Variants in DRC9 observed in about 807,000 individuals in gnomAD.
DRC9 encodes dynein regulatory complex subunit 9, also known as dynein regulatory complex protein 9.
the DRC9 span, among the ~76,000 whole-genome samples, chr3:197,922,025 C>G: frequency 6.6e-6 from 1 of 151,642 alleles, no homozygotes; most frequent in Admixed American, 6.6e-5. Context: ...GACCCGACTA[C>G]TGGTTTTCAG....
the DRC9 span, among the ~76,000 whole-genome samples, chr3:197,897,279 A>G: frequency 6.6e-6 from 1 of 152,190 alleles, no homozygotes; most frequent in African/African-American, 2.4e-5. Flanking sequence ...AAAGGAAAGC[A>G]GGTTTGACAA....
the DRC9 span, among the ~76,000 whole-genome samples, chr3:197,941,337 TCC>T: frequency 3.6e-5 from 3 of 82,314 alleles, no homozygotes; most frequent in African/African-American, 3.0e-4. Context: ...CCTCTCTCTC[TCC>T]CCTCTGTCTC....
chr3:197,954,525 T>A, the DRC9 span: 1 of 333,674 alleles, frequency 3.0e-6, no homozygotes, highest in Non-Finnish European at 5.8e-6. Context: ...GTTGTGTTTT[T>A]TTGAGACAAG....
chr3:197,944,525 T>G, the DRC9 span, among the ~76,000 whole-genome samples: 1 of 152,004 alleles, frequency 6.6e-6, no homozygotes, highest in African/African-American at 2.4e-5. Flanking sequence ...CTTGGCTCAC[T>G]GCAAGCTCTG....
chr3:197,938,637 C>T, the DRC9 span: 1 of 1,614,190 alleles, frequency 6.2e-7, no homozygotes, highest in Non-Finnish European at 8.5e-7. Flanking sequence ...TTTTGTTAAA[C>T]TCCACAGCGA....
At chr3:197,889,830 A>G in the DRC9 span, 1 of 1,203,862 alleles carries the variant, frequency 8.3e-7, no homozygotes, top group East Asian at 2.3e-5. Context: ...GTCTCTCTCC[A>G]GGACATGGAA....
chr3:197,893,187 G>A, the DRC9 span, among the ~76,000 whole-genome samples: 7 of 151,734 alleles, frequency 4.6e-5, no homozygotes, highest in African/African-American at 7.3e-5. Flanking sequence ...GAGAAGCCCC[G>A]TCTCTACTAA....
At chr3:197,926,904 A>G in the DRC9 span, among the ~76,000 whole-genome samples, 1 of 152,212 alleles carries the variant, frequency 6.6e-6, no homozygotes, top group Non-Finnish European at 1.5e-5. Context: ...CTTTGCATGA[A>G]TAATTCCATC....
the DRC9 span, among the ~76,000 whole-genome samples, chr3:197,919,085 G>T: frequency 6.6e-6 from 1 of 152,170 alleles, no homozygotes; most frequent in African/African-American, 2.4e-5. Context: ...TGGGATTATA[G>T]ACATGAGCCA....
the DRC9 span, chr3:197,957,085 G>C: frequency 2.8e-4 from 43 of 152,208 alleles, no homozygotes; most frequent in African/African-American, 1.0e-3. Flanking sequence ...GTGAAAGAAA[G>C]GATTGGGTAG....
chr3:197,900,852 C>T, the DRC9 span, among the ~76,000 whole-genome samples: 1 of 152,212 alleles, frequency 6.6e-6, no homozygotes, highest in African/African-American at 2.4e-5. This position sits in a 1 kb window ranked among gnomAD's most constrained non-coding sequence, Gnocchi z 4.7. Context: ...AGAAGGGAAC[C>T]CACTGCCTTG....
At chr3:197,942,552 C>G in the DRC9 span, among the ~76,000 whole-genome samples, 1 of 151,102 alleles carries the variant, frequency 6.6e-6, no homozygotes, top group African/African-American at 2.4e-5. Context: ...ACAAAACAAA[C>G]AAAATGAAAA....
the DRC9 span, among the ~76,000 whole-genome samples, chr3:197,919,257 C>T: frequency 6.6e-6 from 1 of 152,110 alleles, no homozygotes; most frequent in Non-Finnish European, 1.5e-5. Flanking sequence ...CCACGGTGAC[C>T]GTGTGGAAAC....
chr3:197,890,414 A>G, the DRC9 span, among the ~76,000 whole-genome samples: 1 of 152,198 alleles, frequency 6.6e-6, no homozygotes, highest in East Asian at 1.9e-4. Flanking sequence ...CAAAAAAAAA[A>G]AAAAGAAAAG....
the DRC9 span, among the ~76,000 whole-genome samples, chr3:197,903,531 G>A: frequency 1.3e-5 from 2 of 152,196 alleles, no homozygotes; most frequent in Admixed American, 1.3e-4. Flanking sequence ...AGCTACTTGG[G>A]AGGCTGAGGC....
At chr3:197,952,367 A>C in the DRC9 span, among the ~76,000 whole-genome samples, 1 of 151,364 alleles carries the variant, frequency 6.6e-6, no homozygotes, top group South Asian at 2.1e-4. Flanking sequence ...ATGGGGTTTC[A>C]CCATTTTGGC....
At chr3:197,949,066 A>C in the DRC9 span, among the ~76,000 whole-genome samples, 1 of 152,208 alleles carries the variant, frequency 6.6e-6, no homozygotes, top group Non-Finnish European at 1.5e-5. Context: ...AAGTGGGGAA[A>C]GCCTCTTTTA....
chr3:197,943,934 G>A, the DRC9 span: 1 of 1,614,120 alleles, frequency 6.2e-7, no homozygotes. Flanking sequence ...TGATTTCTAT[G>A]TCTGTTTCTT....
the DRC9 span, chr3:197,945,577 T>A: frequency 7.3e-7 from 1 of 1,370,646 alleles, no homozygotes. Context: ...GAAGGCATAA[T>A]TTAAATACAT....
Sources: gnomAD v4.1 joint callset for allele counts (sites outside exome capture counted in the v4.1 genomes callset) on GRCh38, gnomAD v4.1.1 for gene constraint, Gnocchi (gnomAD v3.1) non-coding constraint, MANE v1.5 for transcripts, NCBI Gene and HGNC (gene_info 2026-07-23, HGNC 2026-07-21) for gene names.